KLHL32: variants seen among roughly 807,000 people sequenced by gnomAD.
KLHL32 encodes kelch-like protein 32.
Under a neutral mutation model 64.8 loss-of-function variants are expected in KLHL32, and 35 were observed. The ratio of observed to expected loss-of-function variants is 0.54; its 90% CI spans 0.41 to 0.72. The LOEUF (loss-of-function observed/expected upper bound fraction) is 0.72. KLHL32 is among the 30% of genes least tolerant of loss of function. The probability of loss-of-function intolerance (pLI) is 0.00; values close to 1 mark genes in which losing one functional copy is unlikely to be tolerated. For missense variants in KLHL32, 589 were observed against 768.5 expected (o/e 0.77, Z 2.76); for synonymous variants, 259 against 281.0 (o/e 0.92, Z 0.78).
intron 3 of KLHL32, among the ~76,000 whole-genome samples, chr6:96,998,449 G>A (rs897760553): frequency 2.0e-5 from 3 of 152,150 alleles, no homozygotes; most frequent in African/African-American, 7.2e-5. Context: ...AAAAATAATA[G>A]TAAAATAACC....
Position 96,979,703 on chromosome 6 carries a change from A to G in KLHL32, c.204+3526A>G, listed in dbSNP as rs551519671. 1.2e-4 allele frequency among the ~76,000 whole-genome samples: 19 copies of G among 152,296 alleles called. No homozygotes were observed. In the South Asian group the frequency reaches 3.9e-3, roughly 32 times the overall value. ...TTTTTCTAATTCTGTGAAAAACATC[A>G]TTGGTAGTTTGATAGGAATAACATT... On this transcript the variant is annotated intron_variant, in intron 3 of 10. Coordinates refer to ENST00000369261, the MANE Select transcript of KLHL32 (RefSeq NM_052904.4).
chr6:96,914,755 C>G, the KLHL32 span: 4 of 152,044 alleles, frequency 2.6e-5, no homozygotes, highest in Non-Finnish European at 5.9e-5. Flanking sequence ...TTTATAGATG[C>G]AATCCCACAA....
chr6:97,105,414 C>G (rs1182142428), intron 6 of KLHL32: 1 of 470,754 alleles, frequency 2.1e-6, no homozygotes, highest in South Asian at 1.5e-5. Flanking sequence ...GCTCCTGTGC[C>G]CTTCCTTTGT....
chr6:97,082,552 G>C (rs568765143), intron 5 of KLHL32, among the ~76,000 whole-genome samples: 27 of 151,724 alleles, frequency 1.8e-4, no homozygotes, highest in African/African-American at 6.5e-4. Context: ...GGCGGAGCTT[G>C]CACTGAGCCA....
chr6:97,132,770 GA>G, intron 10 of KLHL32, 23 bp downstream of exon 10: 1 of 1,545,662 alleles, frequency 6.5e-7, no homozygotes, highest in South Asian at 1.2e-5. Context: ...AGTTCCTTTT[GA>G]AGTTTGTTCA....
chr6:97,108,003 T>G (rs1172496009), intron 6 of KLHL32, among the ~76,000 whole-genome samples: 2 of 152,324 alleles, frequency 1.3e-5, no homozygotes, highest in East Asian at 3.9e-4. Context: ...TTCTCCATTG[T>G]GGTCAGATGA....
chr6:97,098,091 G>A (rs778452669), intron 6 of KLHL32, among the ~76,000 whole-genome samples: 1 of 152,166 alleles, frequency 6.6e-6, no homozygotes, highest in East Asian at 1.9e-4. Context: ...ATTTCAATTT[G>A]TATAAATCCA....
chr6:97,075,612 T>C (rs1791475619), intron 5 of KLHL32, among the ~76,000 whole-genome samples: 1 of 152,214 alleles, frequency 6.6e-6, no homozygotes, highest in African/African-American at 2.4e-5. Flanking sequence ...GTTTATTTAT[T>C]GGTTTGTTTC....
upstream of KLHL32, among the ~76,000 whole-genome samples, chr6:96,922,351 T>C (rs1768777479): frequency 1.3e-5 from 2 of 152,186 alleles, no homozygotes; most frequent in African/African-American, 4.8e-5. Flanking sequence ...TTGTCACTGC[T>C]TCTGTGCCCT....
At chr6:97,032,950 A>G (rs1368262808) in intron 3 of KLHL32, among the ~76,000 whole-genome samples, 1 of 148,492 alleles carries the variant, frequency 6.7e-6, no homozygotes, top group Non-Finnish European at 1.5e-5. Flanking sequence ...TTTTTTATCT[A>G]TAGCCACACT....
chr6:97,065,415 G>A (rs966851135), intron 5 of KLHL32, among the ~76,000 whole-genome samples: 2 of 152,174 alleles, frequency 1.3e-5, no homozygotes, highest in African/African-American at 4.8e-5. Context: ...CTGGTAGGAC[G>A]TTCTGATTCC....
At chr6:97,095,204 T>C (rs563407503) in intron 6 of KLHL32, among the ~76,000 whole-genome samples, 106 of 152,330 alleles carry the variant, frequency 7.0e-4, no homozygotes, top group Middle Eastern at 6.8e-3. Context: ...AAACACACTT[T>C]AGGCTCTTTG....
intron 1 of KLHL32, among the ~76,000 whole-genome samples, chr6:96,943,255 TG>T (rs1771543252): frequency 6.6e-6 from 1 of 152,120 alleles, no homozygotes; most frequent in South Asian, 2.1e-4. Flanking sequence ...TTCCTCAAAA[TG>T]GATTTGGCTT....
intron 3 of KLHL32, among the ~76,000 whole-genome samples, chr6:97,014,058 C>A (rs1253438009): frequency 6.6e-6 from 1 of 152,050 alleles, no homozygotes; most frequent in African/African-American, 2.4e-5. Flanking sequence ...TGTAACCCCA[C>A]CACTTTGGGA....
the KLHL32 span, among the ~76,000 whole-genome samples, chr6:96,917,741 C>A: frequency 6.6e-6 from 1 of 152,096 alleles, no homozygotes; most frequent in Non-Finnish European, 1.5e-5. Context: ...TAAGAGACTT[C>A]AGGGAAAAGA....
intron 3 of KLHL32, among the ~76,000 whole-genome samples, chr6:96,983,092 G>A (rs1047552449): frequency 2.4e-4 from 36 of 152,332 alleles, no homozygotes; most frequent in Admixed American, 3.9e-4. Context: ...AGCATGAAGC[G>A]TTGTTGAATT....
chr6:97,127,503 A>G (rs1409218923), intron 8 of KLHL32, 41 bp downstream of exon 8: 1 of 1,500,704 alleles, frequency 6.7e-7, no homozygotes, highest in South Asian at 1.1e-5. Flanking sequence ...TTAATTAATG[A>G]ATTTTAAAAG....
chr6:97,069,858 A>C (rs1187126608), intron 5 of KLHL32, among the ~76,000 whole-genome samples: 1 of 152,150 alleles, frequency 6.6e-6, no homozygotes, highest in Non-Finnish European at 1.5e-5. Context: ...CACATATTTT[A>C]CAGTATTATA....
intron 3 of KLHL32, among the ~76,000 whole-genome samples, chr6:97,036,213 CCCTTT>C (rs1784271476): frequency 6.6e-6 from 1 of 152,188 alleles, no homozygotes; most frequent in African/African-American, 2.4e-5. Context: ...CTCTAACTTT[CCCTTT>C]CATTTATGTA....
Sources: gnomAD v4.1 joint callset for allele counts (sites outside exome capture counted in the v4.1 genomes callset) on GRCh38, gnomAD v4.1.1 for gene constraint, MANE v1.5 for transcripts, NCBI Gene and HGNC (gene_info 2026-07-23, HGNC 2026-07-21) for gene names.